The following SPACA7 variants were observed in gnomAD, a reference collection of about 807,000 sequenced individuals.
SPACA7 encodes sperm acrosome-associated protein 7.
SPACA7 carries 19 observed loss-of-function variants against 26.3 expected under a neutral mutation model. The ratio of observed to expected loss-of-function variants is 0.72; its 90% confidence interval spans 0.50 to 1.06. The LOEUF (loss-of-function observed/expected upper bound fraction) is 1.06, where lower values mean the gene tolerates loss of function less well. Ranked by LOEUF, SPACA7 falls within the 50% of genes least tolerant of loss-of-function variation. The pLI is 0.00. For synonymous variants in SPACA7, 84 were observed against 84.5 expected (o/e 0.99, Z 0.04); for missense variants, 211 against 229.9 (o/e 0.92, Z 0.53).
chr13:112,379,608 T>C (rs1223390353), intron 1 of SPACA7, among the ~76,000 whole-genome samples: 1 of 152,216 alleles, frequency 6.6e-6, no homozygotes, highest in Non-Finnish European at 1.5e-5. Flanking sequence ...ACTTATAACA[T>C]ATATGCATAC....
In SPACA7 at chr13:112,434,363, C is replaced by G. The variant is rs544958724; in HGVS notation, c.524-122C>G. The G allele has an allele frequency of 9.0e-4, 719 of 794,940 alleles. 3 individuals are homozygous for G. Among genetic ancestry groups the G allele is most frequent in the South Asian group, 3.2e-3 (196 of 61,046 alleles). 49.2% of individuals were successfully genotyped at this position (794,940 alleles called of 1,614,324 possible). On this transcript the variant is annotated intron_variant, in intron 6 of 6. Coordinates refer to ENST00000283550, the MANE Select transcript of SPACA7 (RefSeq NM_145248.5). ...GCCCCAGACACATCCGCAGGGCTCT[C>G]CCCTCCCTCCACAACTGAGGGCTTG...
At chr13:112,423,749 A>G (rs1002343635) in intron 5 of SPACA7, among the ~76,000 whole-genome samples, 3 of 152,242 alleles carry the variant, frequency 2.0e-5, no homozygotes, top group Non-Finnish European at 4.4e-5. Context: ...ATGAAATTAG[A>G]CATATCACTT....
chr13:112,433,561 G>A (rs1019412593), intron 6 of SPACA7, among the ~76,000 whole-genome samples: 3 of 151,716 alleles, frequency 2.0e-5, no homozygotes, highest in African/African-American at 7.2e-5. Flanking sequence ...CCACAAGCGT[G>A]GGAAGCCGGC....
intron 2 of SPACA7, among the ~76,000 whole-genome samples, chr13:112,396,001 C>G (rs1409796637): frequency 6.7e-6 from 1 of 149,116 alleles, no homozygotes; most frequent in East Asian, 1.9e-4. Flanking sequence ...GGCAGCTCAC[C>G]CTGGGGTGGC....
At chr13:112,404,970 A>G (rs1885880276) in intron 5 of SPACA7, among the ~76,000 whole-genome samples, 1 of 106,888 alleles carries the variant, frequency 9.4e-6, no homozygotes, top group Non-Finnish European at 1.9e-5. Context: ...GCTCCATTGT[A>G]TTCTCTTCTT....
chr13:112,405,605 C>G (rs1885936691), intron 5 of SPACA7, among the ~76,000 whole-genome samples: 1 of 152,114 alleles, frequency 6.6e-6, no homozygotes, highest in South Asian at 2.1e-4. Context: ...TGTGAATGTT[C>G]CATAAGCACT....
At chr13:112,413,630 T>C (rs1054464709) in intron 5 of SPACA7, among the ~76,000 whole-genome samples, 2 of 152,200 alleles carry the variant, frequency 1.3e-5, no homozygotes, top group Non-Finnish European at 2.9e-5. Flanking sequence ...TATATTTCTC[T>C]AGGTTTGGAA....
chr13:112,420,949 T>C (rs1875896641), intron 5 of SPACA7, among the ~76,000 whole-genome samples: 1 of 151,846 alleles, frequency 6.6e-6, no homozygotes, highest in Admixed American at 6.6e-5. Context: ...AAAGAAAAAA[T>C]TGCCATCCCA....
intron 1 of SPACA7, among the ~76,000 whole-genome samples, chr13:112,385,119 C>G (rs1288889839): frequency 1.3e-5 from 2 of 152,188 alleles, no homozygotes; most frequent in Admixed American, 6.5e-5. Context: ...CAGAAAAAAG[C>G]TAATTAAATC....
intron 5 of SPACA7, among the ~76,000 whole-genome samples, chr13:112,401,728 T>G (rs1885655866): frequency 6.6e-6 from 1 of 152,238 alleles, no homozygotes; most frequent in Non-Finnish European, 1.5e-5. Context: ...CTTCATCTGC[T>G]ACATTAGCTC....
Position 112,399,081 on chromosome 13 carries a change from A to C in SPACA7, c.257A>C (p.Glu86Ala). Residue 86 changes from glutamate to alanine, a missense_variant, in exon 4 of 7, where the codon GAG becomes GCG. Glu to Ala is a moderately radical substitution (Grantham distance 107). Coordinates refer to ENST00000283550, the MANE Select transcript of SPACA7 (RefSeq NM_145248.5). ...LSTPLHAGID[E>A]NYQAGGSENY... Reference sequence around the variant, plus strand: ...TTCATTGAAGATGCTGGTATTGATGAGAATTATCAAGCTGGTGGTTCTGAG... The same window carrying C: ...TTCATTGAAGATGCTGGTATTGATGCGAATTATCAAGCTGGTGGTTCTGAG... 1 of 1,605,780 alleles carries C rather than the reference A, an allele frequency of 6.2e-7. No individual in the cohort carries two copies. Among genetic ancestry groups the C allele is most frequent in the Non-Finnish European group, 8.5e-7 (1 of 1,173,434 alleles).
In SPACA7 at chr13:112,390,001, C is replaced by T. The variant is rs576325895; in HGVS notation, c.95-3020C>T. On this transcript the variant is annotated intron_variant, in intron 1 of 6. Transcript: ENST00000283550. ...AAGCCTTCACTGAGTAGATAAAATG[C>T]CCCACCTGTTTCCAGTTGGTCTTTT... Among the ~76,000 whole-genome samples, 7 of 152,266 alleles carry T rather than the reference C, an allele frequency of 4.6e-5. No individual in the cohort carries two copies. In the East Asian group the frequency reaches 1.2e-3, roughly 25 times the overall value.
intron 1 of SPACA7, among the ~76,000 whole-genome samples, chr13:112,384,435 G>T (rs1358101810): frequency 2.0e-5 from 3 of 151,952 alleles, no homozygotes; most frequent in Non-Finnish European, 2.9e-5. Flanking sequence ...CCCAAAGAAA[G>T]CCAAACACCA....
intron 1 of SPACA7, among the ~76,000 whole-genome samples, chr13:112,385,090 AT>A (rs1266221680): frequency 6.6e-6 from 1 of 152,200 alleles, no homozygotes; most frequent in Non-Finnish European, 1.5e-5. Flanking sequence ...CATCAGTATG[AT>A]TTTAATATTT....
chr13:112,408,984 C>A (rs1341434756), intron 5 of SPACA7, among the ~76,000 whole-genome samples: 1 of 152,122 alleles, frequency 6.6e-6, no homozygotes, highest in Non-Finnish European at 1.5e-5. Context: ...GCTACAGTAA[C>A]CAAAACAGCA....
intron 5 of SPACA7, among the ~76,000 whole-genome samples, chr13:112,419,661 G>A (rs981653120): frequency 3.3e-5 from 5 of 152,208 alleles, no homozygotes; most frequent in Admixed American, 3.3e-4. Flanking sequence ...GTTACCACAG[G>A]AAGAGACAAG....
chr13:112,432,769 G>T (rs1197456590), intron 6 of SPACA7, among the ~76,000 whole-genome samples: 2 of 152,154 alleles, frequency 1.3e-5, no homozygotes, highest in Non-Finnish European at 2.9e-5. Flanking sequence ...AATGGAACAG[G>T]GGACTAGTCC....
At chr13:112,400,981 A>G (rs3742225) in intron 4 of SPACA7, 88 bp from the exon 5 acceptor site, 533,968 of 922,502 alleles carry the variant, frequency 0.58, 156,703 homozygotes, top group South Asian at 0.68. Flanking sequence ...ATCTCAACTT[A>G]GCATGTTTAA....
chr13:112,398,785 A>G (rs1437877506), intron 3 of SPACA7, among the ~76,000 whole-genome samples: 1 of 152,214 alleles, frequency 6.6e-6, no homozygotes, highest in Non-Finnish European at 1.5e-5. Context: ...CGGCAGCAGG[A>G]AAGTTCAGCA....
Sources: gnomAD v4.1 joint callset for allele counts (sites outside exome capture counted in the v4.1 genomes callset) on GRCh38, gnomAD v4.1.1 for gene constraint, MANE v1.5 for transcripts, NCBI Gene and HGNC (gene_info 2026-07-23, HGNC 2026-07-21) for gene names.